The following HDAC7 variants were observed in gnomAD, a reference collection of about 807,000 sequenced individuals.
HDAC7 encodes the protein histone deacetylase 7.
A neutral mutation model predicts 115.5 loss-of-function variants in HDAC7; 26 were observed. The observed-to-expected ratio is 0.23, with a 90% CI of 0.16 to 0.31. The LOEUF (loss-of-function observed/expected upper bound fraction) is 0.31, where lower values mean the gene tolerates loss of function less well. Among genes scored for constraint, HDAC7 ranks in the 10% least tolerant of loss-of-function variants. The pLI is 1.00. For synonymous variants in HDAC7, 564 were observed against 550.9 expected (o/e 1.02, Z -0.33); for missense variants, 1,068 against 1,329.0 (o/e 0.80, Z 3.05).
chr12:47,787,433 C>A (rs528846657), intron 21 of HDAC7, among the ~76,000 whole-genome samples: 1 of 152,184 alleles, frequency 6.6e-6, no homozygotes, highest in East Asian at 1.9e-4. Context: ...AATAGAGTGG[C>A]AGCCTTCTCT....
intron 21 of HDAC7, 30 bp from the exon 22 acceptor site, chr12:47,786,733 G>T: frequency 6.4e-7 from 1 of 1,573,814 alleles, no homozygotes; most frequent in Non-Finnish European, 8.7e-7. Context: ...GGCGATCATC[G>T]TACTGTGCAG....
Position 47,791,955 on chromosome 12 carries a change from G to C in HDAC7, c.1728C>G (p.Asp576Glu). The C allele has an allele frequency of 6.2e-7, 1 of 1,611,556 alleles. No individual in the cohort carries two copies. Among genetic ancestry groups the C allele is most frequent in the Non-Finnish European group, 8.5e-7 (1 of 1,179,400 alleles). Residue 576 changes from aspartate to glutamate, a missense_variant, in exon 14 of 26, where the codon GAC (aspartate) becomes GAG (glutamate). This residue lies in a region of HDAC7 where 618 missense variants were observed against 701.5 expected (regional missense o/e 0.88). Transcript: ENST00000080059. ...CGGCGTGCTCCGGGTGCCTGCTGTT[G>C]TCACCGCAGGAGCACTGGTGCTTCA... is the stretch of plus-strand genomic sequence containing the variant. ...VMLKHQCSCG[D>E]NSRHPEHAGR...
At chr12:47,817,983 G>C (rs1341002044) in intron 1 of HDAC7, 1 of 152,256 alleles carries the variant, frequency 6.6e-6, no homozygotes, top group African/African-American at 2.4e-5. Context: ...AAACTGGAGG[G>C]GGTGGATAAT....
In HDAC7 at chr12:47,796,226, T is replaced by A. The variant is rs761321551; in HGVS notation, c.776A>T (p.Asn259Ile). The A allele has an allele frequency of 6.2e-7, 1 of 1,608,100 alleles. No homozygotes were observed. Among genetic ancestry groups the A allele is most frequent in the Non-Finnish European group, 8.5e-7 (1 of 1,178,394 alleles). ...CCTTACCTCCGAGCCCAGGATGGGA[T>A]TGGGGCCGTGCTCGCTGTCATTGGG... ...SSPNDSEHGP[N>I]PILGSEALLG... is the part of the protein sequence containing the mutation. Residue 259 changes from asparagine to isoleucine, a missense_variant, in exon 8 of 26, where the codon AAT (asparagine) becomes ATT (isoleucine). This residue lies in a region of HDAC7 where 618 missense variants were observed against 701.5 expected (regional missense o/e 0.88). Transcript: ENST00000080059.
rs1943685111 is a variant in HDAC7, at chr12:47,794,260, C to A, written c.1458+500G>T. Among the ~76,000 whole-genome samples, 3 of 152,244 alleles carry A rather than the reference C, an allele frequency of 2.0e-5. No homozygotes were observed. In the South Asian group the frequency reaches 6.2e-4, roughly 31 times the overall value. Reference sequence around the variant, plus strand: ...CCAGAAGGAACCAACTCCACCAACACCTCGATTTTGACTTCCAGCCTCCAG... The same window carrying A: ...CCAGAAGGAACCAACTCCACCAACAACTCGATTTTGACTTCCAGCCTCCAG... On this transcript the variant is annotated intron_variant, in intron 12 of 25. Transcript: ENST00000080059.
chr12:47,793,581 A>G lies in HDAC7; in HGVS notation c.1466T>C (p.Leu489Pro), dbSNP rs1321657920. ...CCCAGCCAGTCGCTGCTGTTCCCAGAGCAACACCTAGGGGAAAGATGGGGC... is the reference window on the plus strand; with the variant it reads ...CCCAGCCAGTCGCTGCTGTTCCCAGGGCAACACCTAGGGGAAAGATGGGGC... ...APLQQHPQVLLWEQQRLAGRL... is the reference protein window; with the variant it reads ...APLQQHPQVLPWEQQRLAGRL... The change falls in exon 13 of 26, where the codon CTC (leucine) becomes CCC (proline). Residue 489 changes from leucine (L) to proline (P), a missense_variant. Physicochemically the swap from Leu to Pro is moderately conservative, Grantham distance 98. Around this residue, in one of 6 missense-constraint regions of HDAC7, gnomAD observed 618 missense variants for 701.5 expected, o/e 0.88. Transcript: ENST00000080059. The surrounding 1 kb of genome is among the most constrained non-coding windows in gnomAD (Gnocchi z 4.5). 6.5e-7 allele frequency: 1 copy of G among 1,538,550 alleles called. No individual in the cohort carries two copies. The highest frequency in any genetic ancestry group is 8.8e-7 in the Non-Finnish European group (1 of 1,140,728).
rs954229820 is a variant in HDAC7, at chr12:47,795,438, C to T, written c.1088-58G>A. The T allele has an allele frequency of 5.0e-5, 70 of 1,388,160 alleles. No individual in the cohort carries two copies. Among genetic ancestry groups the T allele is most frequent in the Middle Eastern group, 1.9e-4 (1 of 5,206 alleles). The allele number at this position is 1,388,160 out of a possible 1,614,324, so 86.0% of individuals were successfully genotyped here. A position where few individuals can be genotyped will look rare whatever the true frequency, so the allele number is the denominator to read the frequency against. ...AACCACAGGGAGCAATGGAAGGAAG[C>T]GAGGGTATAGGGTGGGGGGCCAGGG... On this transcript the variant is annotated intron_variant, in intron 10 of 25. Coordinates refer to ENST00000080059, the MANE Select transcript of HDAC7 (RefSeq NM_015401.5). The surrounding 1 kb of genome is among the most constrained non-coding windows in gnomAD (Gnocchi z 4.3).
intron 1 of HDAC7, among the ~76,000 whole-genome samples, chr12:47,806,121 C>T (rs1422889559): frequency 6.6e-6 from 1 of 152,246 alleles, no homozygotes. Flanking sequence ...CTCTATACTG[C>T]TCATTGATTG....
rs900599511 is a variant in HDAC7 at position 47,786,628 on chromosome 12, C to A, written c.2529G>T (p.Glu843Asp). The change falls in exon 22 of 26, where the codon GAG (glutamate) becomes GAT (aspartate). Residue 843 changes from glutamate (E) to aspartate (D), a missense_variant. This residue lies in a region of HDAC7 where 182 missense variants were observed against 301.1 expected (regional missense o/e 0.60). Transcript: ENST00000080059. ...AGCCACCCAGTGGGGCCGGGTGACCCTCAGCAGCATCAAATCCAGCAGACA... is the reference window on the plus strand; with the variant it reads ...AGCCACCCAGTGGGGCCGGGTGACCATCAGCAGCATCAAATCCAGCAGACA... The part of the protein sequence containing the change: ...VLVSAGFDAA[E>D]GHPAPLGGYH... The A allele has an allele frequency of 6.2e-7, 1 of 1,614,080 alleles. No homozygotes were observed. The highest frequency in any genetic ancestry group is 1.7e-5 in the Admixed American group (1 of 60,014).
intron 19 of HDAC7, chr12:47,788,429 TGA>T: frequency 3.2e-6 from 1 of 309,836 alleles, no homozygotes; most frequent in Non-Finnish European, 6.0e-6. Context: ...CCAGCCCACC[TGA>T]GAGAGTAACT....
intron 21 of HDAC7, among the ~76,000 whole-genome samples, chr12:47,786,914 A>C (rs1013438471): frequency 3.3e-5 from 5 of 152,234 alleles, no homozygotes; most frequent in African/African-American, 1.2e-4. Context: ...TAGGGGACTT[A>C]ACTAGCAAGA....
At chr12:47,816,082 G>A (rs576513844) in intron 1 of HDAC7, among the ~76,000 whole-genome samples, 53 of 152,140 alleles carry the variant, frequency 3.5e-4, no homozygotes, top group African/African-American at 1.2e-3. Flanking sequence ...AGTAGAGACA[G>A]GGTTTCGCCG....
In HDAC7 at chr12:47,791,693, C is replaced by T. The variant is rs751541720; in HGVS notation, c.1826G>A (p.Arg609Gln). The change falls in exon 15 of 26, where the codon CGG becomes CAG. Residue 609 changes from arginine to glutamine, a missense_variant. Physicochemically the swap from Arg to Gln is conservative, Grantham distance 43 (BLOSUM62 1). Coordinates refer to ENST00000080059, the MANE Select transcript of HDAC7 (RefSeq NM_015401.5). The stretch of plus-strand genomic sequence containing the variant: ...CTGCAGCTCTTCCAGGGAGGCCTTC[C>T]GGCCTCGGAGACACTGAAAAGGGGA... ...LRSQCECLRG[R>Q]KASLEELQSV... The T allele has an allele frequency of 4.3e-6, 7 of 1,613,584 alleles. No homozygotes were observed. Among genetic ancestry groups the T allele is most frequent in the Non-Finnish European group, 5.9e-6 (7 of 1,179,956 alleles).
At chr12:47,816,919 C>A (rs914193757) in intron 1 of HDAC7, among the ~76,000 whole-genome samples, 15 of 152,224 alleles carry the variant, frequency 9.9e-5, no homozygotes, top group Non-Finnish European at 1.9e-4. Context: ...CGAGTCCATG[C>A]TCACTCAGGC....
Position 47,785,835 on chromosome 12 carries a change from C to A in HDAC7, c.2623G>T (p.Val875Leu). 2 of 1,611,740 alleles carry A rather than the reference C, an allele frequency of 1.2e-6. No homozygotes were observed. The highest frequency in any genetic ancestry group is 8.5e-7 in the Non-Finnish European group (1 of 1,179,052). ...QLMNLAGGAVVLALEGGHDLT... is the reference protein window; with the variant it reads ...QLMNLAGGAVLLALEGGHDLT... ...TCATGGCCACCCTCCAAGGCCAGCA[C>A]CACTGCGCCTCCTGCCAGGTTCATC... Residue 875 changes from valine to leucine, a missense_variant, in exon 23 of 26, where the codon GTG (valine) becomes TTG (leucine). Val to Leu is a conservative substitution (Grantham distance 32). Around this residue, in one of 6 missense-constraint regions of HDAC7, gnomAD observed 182 missense variants for 301.1 expected, o/e 0.60. Coordinates refer to ENST00000080059, the MANE Select transcript of HDAC7 (RefSeq NM_015401.5).
chr12:47,796,426 CTTTT>C (rs35550737), intron 7 of HDAC7, 128 bp from the exon 8 acceptor site: 110 of 463,752 alleles, frequency 2.4e-4, no homozygotes, highest in East Asian at 5.0e-4. Flanking sequence ...TTCCTGCTTT[CTTTT>C]TTTTTTTTTT....
chr12:47,791,848 G>C, intron 14 of HDAC7, 23 bp downstream of exon 14: 9 of 1,218,790 alleles, frequency 7.4e-6, no homozygotes, highest in Non-Finnish European at 9.7e-6. Context: ...CCCATTCCTC[G>C]GGCCCCACCC....
intron 1 of HDAC7, among the ~76,000 whole-genome samples, chr12:47,809,150 AG>A (rs1276844016): frequency 3.3e-5 from 5 of 152,170 alleles, no homozygotes; most frequent in African/African-American, 1.2e-4. Flanking sequence ...TTGCCCCAAC[AG>A]GAAGCACAGT....
Position 47,798,352 on chromosome 12 carries a change from G to C in HDAC7, c.350-133C>G, listed in dbSNP as rs929621466. 2.4e-5 allele frequency: 20 copies of C among 827,758 alleles called. No homozygotes were observed. Among genetic ancestry groups the C allele is most frequent in the Non-Finnish European group, 3.6e-5 (18 of 502,768 alleles). 51.3% of individuals were successfully genotyped at this position (827,758 alleles called of 1,614,324 possible). A position where few individuals can be genotyped will look rare whatever the true frequency, so the allele number is the denominator to read the frequency against. ...CTCCCTAGGCAAGAGCCAAGCCCGA[G>C]GCCCTACCCCTCCCTAGAGCCTCCA... On this transcript the variant is annotated intron_variant, in intron 4 of 25. Coordinates refer to ENST00000080059, the MANE Select transcript of HDAC7 (RefSeq NM_015401.5). This position sits in a 1 kb window ranked among gnomAD's most constrained non-coding sequence, Gnocchi z 4.3.
Sources: allele counts gnomAD v4.1 joint callset (sites outside exome capture counted in the v4.1 genomes callset), GRCh38; gene constraint gnomAD v4.1.1; regional missense constraint gnomAD v4.1.1; non-coding constraint Gnocchi (gnomAD v3.1); transcripts MANE v1.5; gene names NCBI Gene and HGNC (gene_info 2026-07-23, HGNC 2026-07-21).